The following PHLDB1 variants were observed in gnomAD, a reference collection of about 807,000 sequenced individuals.
PHLDB1 encodes the protein pleckstrin homology like domain family B member 1.
A neutral mutation model predicts 139.3 loss-of-function variants in PHLDB1; 65 were observed. The observed-to-expected ratio is 0.47, with a 90% CI of 0.38 to 0.57. PHLDB1 has a LOEUF of 0.57. Ranked by LOEUF, PHLDB1 falls within the 20% of genes least tolerant of loss-of-function variation. The pLI is 0.00. For missense variants in PHLDB1, 1,624 were observed against 1,839.7 expected (o/e 0.88, Z 2.14); for synonymous variants, 679 against 734.5 (o/e 0.92, Z 1.22).
intron 15 of PHLDB1, chr11:118,644,418 G>A (rs1205143399): frequency 1.8e-6 from 1 of 541,804 alleles, no homozygotes; most frequent in Non-Finnish European, 3.3e-6. Context: ...TAGCCAATAA[G>A]GGAACTGCTT....
rs1273359291 is a variant in PHLDB1 at position 118,611,178 on chromosome 11, A to C, written c.-21-2638A>C. 1.3e-5 allele frequency among the ~76,000 whole-genome samples: 2 copies of C among 152,158 alleles called. No homozygotes were observed. Among genetic ancestry groups the C allele is most frequent in the Non-Finnish European group, 1.5e-5 (1 of 68,012 alleles). ...CAGGTGGCCGCTCTCGGCCGCGGCG[A>C]TCGCCCTTTGGGAAAGCACCGCCTG... On this transcript the variant is annotated intron_variant, in intron 1 of 22. Coordinates refer to ENST00000600882, the MANE Select transcript of PHLDB1 (RefSeq NM_001144758.3). This position sits in a 1 kb window ranked among gnomAD's most constrained non-coding sequence, Gnocchi z 4.7.
chr11:118,631,746 C>G (rs1251290799), intron 7 of PHLDB1, among the ~76,000 whole-genome samples, 167 bp from the exon 8 acceptor site: 1 of 151,274 alleles, frequency 6.6e-6, no homozygotes, highest in Admixed American at 6.6e-5. Context: ...CCGCAGAGCC[C>G]TTATTGCTCC....
intron 9 of PHLDB1, 159 bp from the exon 10 acceptor site, chr11:118,635,234 A>G: frequency 1.2e-6 from 1 of 861,700 alleles, no homozygotes; most frequent in Non-Finnish European, 1.8e-6. Flanking sequence ...TGCCCGCAAA[A>G]GGGCAAGGCC....
At chr11:118,625,954 C>G (rs781890785) in intron 5 of PHLDB1, among the ~76,000 whole-genome samples, 1 of 152,154 alleles carries the variant, frequency 6.6e-6, no homozygotes, top group Non-Finnish European at 1.5e-5. Flanking sequence ...AGTCTACTCC[C>G]TAGTTAATTT....
chr11:118,644,345 T>A (rs1947095577), intron 15 of PHLDB1, 171 bp downstream of exon 15: 1 of 610,180 alleles, frequency 1.6e-6, no homozygotes, highest in Non-Finnish European at 2.9e-6. Context: ...TGGATATTTA[T>A]CTAAAGCCTT....
chr11:118,650,497 A>G lies in PHLDB1; in HGVS notation c.3824A>G (p.Lys1275Arg). 6.2e-7 allele frequency: 1 copy of G among 1,614,144 alleles called. No homozygotes were observed. Among genetic ancestry groups the G allele is most frequent in the Non-Finnish European group, 8.5e-7 (1 of 1,180,002 alleles). The part of the protein sequence containing the change: ...KMGGKIKSWK[K>R]RWFVFDRLKR... ...GGCGGCAAGATTAAATCATGGAAGA[A>G]GCGCTGGTTTGTCTTCGACCGGCTC... The change falls in exon 20 of 23, where the codon AAG (lysine) becomes AGG (arginine). Residue 1275 changes from lysine (K) to arginine (R), a missense_variant. Coordinates refer to ENST00000600882, the MANE Select transcript of PHLDB1 (RefSeq NM_001144758.3). The surrounding 1 kb of genome is among the most constrained non-coding windows in gnomAD (Gnocchi z 4.7).
At chr11:118,649,797 G>T (rs1171853852) in intron 18 of PHLDB1, among the ~76,000 whole-genome samples, 1 of 152,178 alleles carries the variant, frequency 6.6e-6, no homozygotes, top group Non-Finnish European at 1.5e-5. Context: ...GCTCAGGAGG[G>T]AAAGGAGGGG....
chr11:118,656,583 T>A, intron 22 of PHLDB1, 100 bp from the exon 23 acceptor site: 1 of 1,205,678 alleles, frequency 8.3e-7, no homozygotes, highest in Non-Finnish European at 1.2e-6. Flanking sequence ...TCCAGGGCTT[T>A]CTAGGGGCTG....
In PHLDB1 at chr11:118,613,810, C is replaced by G; in HGVS notation, c.-21-6C>G. The stretch of plus-strand genomic sequence containing the variant: ...CCCACTCACCACCTTTCTGCTGTGT[C>G]CCTAGGAGCTCTGGAGCCTTAGGAC... On this transcript the variant is annotated splice_polypyrimidine_tract_variant and splice_region_variant and intron_variant, in intron 1 of 22. Transcript: ENST00000600882. The G allele has an allele frequency of 6.3e-7, 1 of 1,598,806 alleles. No individual in the cohort carries two copies. Among genetic ancestry groups the G allele is most frequent in the East Asian group, 2.2e-5 (1 of 44,746 alleles).
chr11:118,629,630 A>T (rs1158543811), intron 6 of PHLDB1, among the ~76,000 whole-genome samples: 2 of 152,212 alleles, frequency 1.3e-5, no homozygotes, highest in Non-Finnish European at 2.9e-5. Context: ...ACAGTTTTGG[A>T]TGAGGGTATA....
chr11:118,639,093 G>T, intron 11 of PHLDB1, 69 bp from the exon 12 acceptor site: 1 of 1,556,628 alleles, frequency 6.4e-7, no homozygotes, highest in Non-Finnish European at 8.9e-7. Context: ...CTGGGGTGGA[G>T]CACAGGGCCC....
At chr11:118,631,778 G>C (rs552820912) in intron 7 of PHLDB1, 135 bp from the exon 8 acceptor site, 11 of 1,065,150 alleles carry the variant, frequency 1.0e-5, no homozygotes, top group African/African-American at 7.9e-5. Context: ...GGGGTTGCGG[G>C]GGGGCAGGGA....
intron 15 of PHLDB1, chr11:118,644,573 A>G: frequency 1.0e-6 from 1 of 999,764 alleles, no homozygotes; most frequent in South Asian, 1.5e-5. Flanking sequence ...TTGAAAGCCC[A>G]TGTCTGTGCC....
chr11:118,611,586 T>A lies in PHLDB1; in HGVS notation c.-21-2230T>A, dbSNP rs1940320446. 2.0e-5 allele frequency among the ~76,000 whole-genome samples: 3 copies of A among 152,156 alleles called. No individual in the cohort carries two copies. Among genetic ancestry groups the A allele is most frequent in the South Asian group, 4.1e-4 (2 of 4,836 alleles). ...TAATAATAAACGGGGCCAGGCGCGG[T>A]GGCTCACGCCTGTAATCCCAGCACT... On this transcript the variant is annotated intron_variant, in intron 1 of 22. Transcript: ENST00000600882. The surrounding 1 kb of genome is among the most constrained non-coding windows in gnomAD (Gnocchi z 4.7).
chr11:118,642,368 C>A lies in PHLDB1; in HGVS notation c.2851C>A (p.Pro951Thr). Residue 951 changes from proline to threonine, a missense_variant, in exon 13 of 23, where the codon CCC (proline) becomes ACC (threonine). By Grantham distance (38) the Pro-to-Thr change is conservative (BLOSUM62 -1). Transcript: ENST00000600882. The stretch of plus-strand genomic sequence containing the variant: ...CCCTCACTCTTCTCCCCCGCCTCTG[C>A]CCGCCAAAGCTTCCCGTCAGCTGCA... ...ASPHSSPPPL[P>T]AKASRQLQVY... is the part of the protein sequence containing the mutation. The A allele has an allele frequency of 6.2e-7, 1 of 1,610,296 alleles. No homozygotes were observed.
intron 17 of PHLDB1, chr11:118,647,679 T>A (rs1947734067): frequency 5.2e-6 from 2 of 383,930 alleles, no homozygotes; most frequent in Non-Finnish European, 9.3e-6. Context: ...AAAAAAAAGT[T>A]TAAATGATTT....
At chr11:118,629,849 C>A in intron 6 of PHLDB1, 1 of 386,402 alleles carries the variant, frequency 2.6e-6, no homozygotes, top group Non-Finnish European at 4.8e-6. Context: ...AGTTTTCCCA[C>A]CCCCATTCCC....
intron 6 of PHLDB1, chr11:118,630,169 TGAG>T (rs1177993688): frequency 9.8e-6 from 8 of 812,956 alleles, no homozygotes; most frequent in Non-Finnish European, 1.4e-5. Context: ...GAGAGACACT[TGAG>T]GAGGTCTAGG....
In PHLDB1 at chr11:118,635,509, G is replaced by A. The variant is rs782151698; in HGVS notation, c.2496G>A (p.Arg832=). Residue 832 remains arginine, a synonymous_variant, in exon 10 of 23, where the codon CGG becomes CGA. Transcript: ENST00000600882. ...AGCTGGCCGGCCAGGGGCTGCTCCG[G>A]AGCAAGGCTGAGCTGCTCCGCAGCA... ...ERELAGQGLL[R]SKAELLRSIA... The A allele has an allele frequency of 3.1e-6, 5 of 1,598,426 alleles. No homozygotes were observed. In the East Asian group the frequency reaches 6.8e-5, roughly 22 times the overall value.
Sources: allele counts gnomAD v4.1 joint callset (sites outside exome capture counted in the v4.1 genomes callset), GRCh38; gene constraint gnomAD v4.1.1; non-coding constraint Gnocchi (gnomAD v3.1); transcripts MANE v1.5; gene names NCBI Gene and HGNC (gene_info 2026-07-23, HGNC 2026-07-21).